CLHC1: variants seen among roughly 807,000 people sequenced by gnomAD.
CLHC1 encodes the protein clathrin heavy chain linker domain-containing protein 1.
CLHC1 carries 72 observed loss-of-function variants against 69.5 expected under a neutral mutation model. The ratio of observed to expected loss-of-function variants is 1.04; its 90% CI spans 0.86 to 1.26. CLHC1 has a LOEUF of 1.26. Ranked by LOEUF, CLHC1 falls within the 50% of genes most tolerant of loss-of-function variation. CLHC1 has a pLI of 0.00. For missense variants in CLHC1, 790 were observed against 679.3 expected, an observed-to-expected ratio of 1.16 and a Z score of -1.81; for synonymous variants, 223 against 224.3, an observed-to-expected ratio of 0.99 and a Z score of 0.05.
chr2:55,199,921 C>G (rs1390689890), intron 9 of CLHC1, among the ~76,000 whole-genome samples: 1 of 151,982 alleles, frequency 6.6e-6, no homozygotes, highest in East Asian at 1.9e-4. Flanking sequence ...ACTAAACTTT[C>G]CAATCAAAAG....
chr2:55,216,573 T>G (rs1360274674), intron 4 of CLHC1, among the ~76,000 whole-genome samples: 1 of 152,054 alleles, frequency 6.6e-6, no homozygotes, highest in Non-Finnish European at 1.5e-5. Flanking sequence ...TCTCGCTCTG[T>G]CACCCAGGCT....
chr2:55,231,842 A>G (rs1675407294), intron 1 of CLHC1: 1 of 152,208 alleles, frequency 6.6e-6, no homozygotes, highest in African/African-American at 2.4e-5. Flanking sequence ...TCACTTTAAA[A>G]TTTGAAAACT....
chr2:55,200,271 AG>A (rs1259915016), intron 9 of CLHC1, among the ~76,000 whole-genome samples: 1 of 151,508 alleles, frequency 6.6e-6, no homozygotes, highest in East Asian at 1.9e-4. Context: ...TAAAAAAAAA[AG>A]ACCCAATGAT....
intron 9 of CLHC1, among the ~76,000 whole-genome samples, chr2:55,198,075 CAA>C (rs1558475280): frequency 6.6e-6 from 1 of 152,134 alleles, no homozygotes; most frequent in Non-Finnish European, 1.5e-5. Flanking sequence ...AAGAATGCAT[CAA>C]AGTCTCTCAG....
At chr2:55,196,607 G>A (rs1348650442) in intron 9 of CLHC1, among the ~76,000 whole-genome samples, 1 of 152,182 alleles carries the variant, frequency 6.6e-6, no homozygotes, top group East Asian at 1.9e-4. Flanking sequence ...GGAAGCCACT[G>A]TCTTGAAAGG....
At chr2:55,213,024 G>A (rs905168863) in intron 4 of CLHC1, among the ~76,000 whole-genome samples, 3 of 152,052 alleles carry the variant, frequency 2.0e-5, no homozygotes, top group Admixed American at 6.6e-5. Flanking sequence ...TTGGAAATTC[G>A]TTAAGTGCTA....
chr2:55,229,150 CAAAAAA>C (rs34823201), intron 1 of CLHC1, among the ~76,000 whole-genome samples: 42 of 108,240 alleles, frequency 3.9e-4, no homozygotes, highest in Admixed American at 1.4e-3. Context: ...GATTCTGTCT[CAAAAAA>C]AAAAAAAAAA....
chr2:55,193,892 T>G (rs1489002441), intron 9 of CLHC1, among the ~76,000 whole-genome samples: 2 of 152,222 alleles, frequency 1.3e-5, no homozygotes, highest in Admixed American at 1.3e-4. Flanking sequence ...AACTGATGAA[T>G]GTATAGACAA....
chr2:55,190,221 A>AT (rs397978626), intron 9 of CLHC1, among the ~76,000 whole-genome samples: 47,312 of 151,076 alleles, frequency 0.31, 7,684 homozygotes, highest in African/African-American at 0.38. Flanking sequence ...ATTTTTTTGT[A>AT]TTTTTTTAGT....
At chr2:55,232,547 G>A (rs964464627), upstream of CLHC1, 8 of 547,358 alleles carry the variant, frequency 1.5e-5, no homozygotes, top group African/African-American at 9.5e-5. Flanking sequence ...CTAGGGAGAG[G>A]AGAAACGAAG....
intron 9 of CLHC1, among the ~76,000 whole-genome samples, chr2:55,201,203 T>C (rs1671911823): frequency 6.7e-6 from 1 of 148,604 alleles, no homozygotes; most frequent in Admixed American, 6.7e-5. Flanking sequence ...ATAAATGAAA[T>C]TGAAATGAAG....
chr2:55,205,421 A>G (rs1359384836), intron 9 of CLHC1, among the ~76,000 whole-genome samples: 5 of 150,854 alleles, frequency 3.3e-5, no homozygotes, highest in Admixed American at 3.3e-4. Flanking sequence ...ACACACACAC[A>G]CGCACACACA....
intron 12 of CLHC1, among the ~76,000 whole-genome samples, chr2:55,177,070 G>A (rs566773635): frequency 6.6e-6 from 1 of 152,014 alleles, no homozygotes; most frequent in African/African-American, 2.4e-5. Context: ...ACACGGTTTT[G>A]CCATGTTGCC....
intron 9 of CLHC1, among the ~76,000 whole-genome samples, chr2:55,204,700 CAA>C (rs1156239177): frequency 2.0e-5 from 3 of 151,892 alleles, no homozygotes; most frequent in Non-Finnish European, 4.4e-5. Flanking sequence ...CATCAACAGA[CAA>C]ATGGAAAGAA....
intron 2 of CLHC1, 124 bp from the exon 3 acceptor site, chr2:55,222,617 T>C: frequency 2.3e-6 from 1 of 437,354 alleles, no homozygotes; most frequent in Non-Finnish European, 4.1e-6. Flanking sequence ...TACTTCAACC[T>C]ATGTATTAAA....
At chr2:55,224,118 G>C (rs1339029574) in intron 2 of CLHC1, 1 of 184,576 alleles carries the variant, frequency 5.4e-6, no homozygotes, top group Non-Finnish European at 1.2e-5. Flanking sequence ...AAAGTCATTG[G>C]TAACCCATGC....
intron 12 of CLHC1, among the ~76,000 whole-genome samples, chr2:55,176,774 TAA>T (rs956374276): frequency 6.6e-6 from 1 of 152,216 alleles, no homozygotes; most frequent in Non-Finnish European, 1.5e-5. Flanking sequence ...TTTCAAAATA[TAA>T]AGTTATCTTC....
chr2:55,180,487 A>T (rs1430474716), intron 11 of CLHC1, 23 bp downstream of exon 11: 1 of 1,578,792 alleles, frequency 6.3e-7, no homozygotes, highest in African/African-American at 1.3e-5. Context: ...AAATGTATAC[A>T]AATGGCAGAC....
At chr2:55,212,171 G>C (rs952309825) in intron 5 of CLHC1, among the ~76,000 whole-genome samples, 1 of 152,180 alleles carries the variant, frequency 6.6e-6, no homozygotes, top group South Asian at 2.1e-4. Flanking sequence ...CAGCTACTTG[G>C]GAGGCCAAGG....
Sources: allele counts gnomAD v4.1 joint callset (sites outside exome capture counted in the v4.1 genomes callset), GRCh38; gene constraint gnomAD v4.1.1; transcripts MANE v1.5; gene names NCBI Gene and HGNC (gene_info 2026-07-23, HGNC 2026-07-21).